MADD: variants seen among roughly 807,000 people sequenced by gnomAD.
MADD encodes the protein MAP kinase activating death domain.
MADD carries 109 observed loss-of-function variants against 176.7 expected under a neutral mutation model. The ratio of observed to expected loss-of-function variants is 0.62; its 90% CI spans 0.53 to 0.72. The LOEUF (loss-of-function observed/expected upper bound fraction) is 0.72, where lower values mean the gene tolerates loss of function less well. MADD is among the 30% of genes least tolerant of loss of function. MADD has a pLI of 0.00. For synonymous variants in MADD, 771 were observed against 771.3 expected (o/e 1.00, Z 0.01); for missense variants, 1,914 against 2,045.5 (o/e 0.94, Z 1.24).
chr11:47,309,252 G>T, intron 23 of MADD, 29 bp from the exon 27 acceptor site: 1 of 1,600,914 alleles, frequency 6.2e-7, no homozygotes, highest in Non-Finnish European at 8.5e-7. Flanking sequence ...TGTTAAATAG[G>T]CCCCCTAAGA....
Position 47,275,305 on chromosome 11 carries a change from T to G in MADD, c.659+146T>G. The G allele has an allele frequency of 3.8e-6, 3 of 792,004 alleles. No individual in the cohort carries two copies. The East Asian group carries it at 7.6e-5, about 20-fold the overall frequency. 49.1% of individuals were successfully genotyped at this position (792,004 alleles called of 1,614,324 possible). A position where few individuals can be genotyped will look rare whatever the true frequency, so the allele number is the denominator to read the frequency against. ...TAGAGTATTTAGAGTTAATCTTTTT[T>G]CTTTTGGAGACAGTCTCGCTCTGTT... On this transcript the variant is annotated intron_variant, in intron 3 of 32. Transcript: ENST00000402192.
At chr11:47,305,654 G>A (rs941201301) in intron 22 of MADD, among the ~76,000 whole-genome samples, 6 of 152,086 alleles carry the variant, frequency 3.9e-5, no homozygotes, top group African/African-American at 1.2e-4. Context: ...CAATGGCAGC[G>A]AATACCCCAG....
chr11:47,283,053 T>A, intron 10 of MADD, 84 bp downstream of exon 10: 1 of 1,216,036 alleles, frequency 8.2e-7, no homozygotes, highest in East Asian at 2.5e-5. Flanking sequence ...AGGCAAAGTC[T>A]CATAGGCTTC....
exon 24 of MADD, chr11:47,309,290 G>T (rs376745148): frequency 6.2e-7 from 1 of 1,614,164 alleles, no homozygotes; most frequent in South Asian, 1.1e-5. Context: ...GGCAAAGAGC[G>T]TTCTACTTTA....
Position 47,278,045 on chromosome 11 carries a change from G to T in MADD, c.1096-120G>T, listed in dbSNP as rs1487613324. On this transcript the variant is annotated intron_variant, in intron 5 of 32. Coordinates refer to ENST00000402192, the Ensembl canonical transcript of MADD. ...AATTCTGAATTTTCAAATACATCTG[G>T]CCTCAAGAGTTTTGGAAGAGGGATT... is the stretch of plus-strand genomic sequence containing the variant. 7 of 719,778 alleles carry T rather than the reference G, an allele frequency of 9.7e-6. No homozygotes were observed. In the East Asian group the frequency reaches 1.2e-4, roughly 13 times the overall value. 44.6% of individuals were successfully genotyped at this position (719,778 alleles called of 1,614,324 possible).
chr11:47,313,834 A>G (rs2141167883), intron 26 of MADD, among the ~76,000 whole-genome samples: 2 of 151,784 alleles, frequency 1.3e-5, no homozygotes, highest in South Asian at 4.2e-4. Flanking sequence ...ATCTCGGCTC[A>G]CTACAACCTC....
At chr11:47,320,059 C>T (rs1381526777) in intron 27 of MADD, among the ~76,000 whole-genome samples, 3 of 147,984 alleles carry the variant, frequency 2.0e-5, no homozygotes, top group Non-Finnish European at 4.5e-5. Context: ...AATGATATAC[C>T]TTTCCGTGTC....
At chr11:47,284,901 G>A (rs750181897) in intron 12 of MADD, 40 bp from the exon 13 acceptor site, 1 of 1,608,642 alleles carries the variant, frequency 6.2e-7, no homozygotes, top group Non-Finnish European at 8.5e-7. Flanking sequence ...AGGTACCATT[G>A]GGCACCAGGT....
At chr11:47,282,332 G>A in intron 8 of MADD, 49 bp from the exon 9 acceptor site, 1 of 1,508,682 alleles carries the variant, frequency 6.6e-7, no homozygotes, top group Non-Finnish European at 9.2e-7. Flanking sequence ...TGGATCATGG[G>A]AATCCTTACC....
At chr11:47,273,308 A>G (rs186032399) in intron 1 of MADD, among the ~76,000 whole-genome samples, 1 of 151,218 alleles carries the variant, frequency 6.6e-6, no homozygotes, top group East Asian at 2.0e-4. Flanking sequence ...AGTCATTGGT[A>G]GGGATAGGTA....
At chr11:47,329,165 G>C in exon 33 of MADD, 1 of 1,596,420 alleles carries the variant, frequency 6.3e-7, no homozygotes, top group Non-Finnish European at 8.6e-7. Flanking sequence ...GAGGGGCTAC[G>C]CAGCTGCCCC....
exon 14 of MADD, chr11:47,285,515 T>A: frequency 3.7e-6 from 6 of 1,614,134 alleles, no homozygotes; most frequent in Non-Finnish European, 5.1e-6. Context: ...AGAGTCAGAC[T>A]CTCGGGCAAG....
intron 31 of MADD, chr11:47,327,040 T>TA: frequency 6.2e-6 from 8 of 1,286,462 alleles, no homozygotes; most frequent in Non-Finnish European, 7.9e-6. Flanking sequence ...GTTTCGAGTT[T>TA]AGAGGTGGTC....
intron 19 of MADD, among the ~76,000 whole-genome samples, chr11:47,292,254 A>G (rs2065957625): frequency 6.6e-6 from 1 of 152,160 alleles, no homozygotes; most frequent in African/African-American, 2.4e-5. Flanking sequence ...TCCTCATGCA[A>G]AAATGAAGGA....
intron 23 of MADD, 54 bp downstream of exon 25, chr11:47,308,753 G>A: frequency 7.0e-7 from 1 of 1,419,010 alleles, no homozygotes; most frequent in Non-Finnish European, 9.9e-7. Flanking sequence ...ACTCAGCCAG[G>A]GGAGAGGGTC....
chr11:47,280,570 ATTT>A (rs1407032393), intron 7 of MADD, among the ~76,000 whole-genome samples: 27 of 151,926 alleles, frequency 1.8e-4, no homozygotes, highest in African/African-American at 5.3e-4. Flanking sequence ...TAATTAATTT[ATTT>A]ATTTATTTTG....
chr11:47,326,540 C>T lies in MADD; in HGVS notation c.4543-198C>T. 7.3e-7 allele frequency: 1 copy of T among 1,376,608 alleles called. No individual in the cohort carries two copies. Among genetic ancestry groups the T allele is most frequent in the Non-Finnish European group, 9.4e-7 (1 of 1,066,126 alleles). 85.3% of individuals were successfully genotyped at this position (1,376,608 alleles called of 1,614,324 possible). On this transcript the variant is annotated intron_variant, in intron 30 of 32. Transcript: ENST00000402192. ...TTCTCTCCCATGCTTTCTCCTCCGG[C>T]CAGGAGCGGAAGGTACATGCCCTTT...
At chr11:47,282,761 T>TGAAA in intron 9 of MADD, 52 bp from the exon 10 acceptor site, 1 of 1,604,004 alleles carries the variant, frequency 6.2e-7, no homozygotes, top group South Asian at 1.1e-5. Flanking sequence ...CAGGCGTTGC[T>TGAAA]TGCCTTTTTT....
chr11:47,312,175 A>G (rs146298337), intron 26 of MADD, among the ~76,000 whole-genome samples: 160 of 152,364 alleles, frequency 1.1e-3, no homozygotes, highest in African/African-American at 3.7e-3. Flanking sequence ...ACCCAAGTGA[A>G]GACAATGGCC....
Sources: gnomAD v4.1 joint callset for allele counts (sites outside exome capture counted in the v4.1 genomes callset) on GRCh38, gnomAD v4.1.1 for gene constraint, MANE v1.5 for transcripts, NCBI Gene and HGNC (gene_info 2026-07-23, HGNC 2026-07-21) for gene names.